The following DCLK1 variants were observed in gnomAD, a reference collection of about 807,000 sequenced individuals.
DCLK1 encodes serine/threonine-protein kinase DCLK1.
In DCLK1, 16 loss-of-function variants were observed where a neutral mutation model predicts 86.2. The observed-to-expected ratio is 0.19, with a 90% CI of 0.13 to 0.28. The LOEUF is 0.28. Among genes scored for constraint, DCLK1 ranks in the 10% least tolerant of loss-of-function variants. The pLI is 1.00. For synonymous variants in DCLK1, 369 were observed against 370.5 expected (o/e 1.00, Z 0.05); for missense variants, 590 against 940.2 (o/e 0.63, Z 4.87).
intron 5 of DCLK1, among the ~76,000 whole-genome samples, chr13:35,864,692 A>G (rs1345315052): frequency 7.2e-6 from 1 of 139,708 alleles, no homozygotes; most frequent in Admixed American, 7.6e-5. Context: ...TCACTCTGGC[A>G]TCCAAGCTGG....
At chr13:35,981,099 A>G (rs1333309588) in intron 3 of DCLK1, among the ~76,000 whole-genome samples, 1 of 152,204 alleles carries the variant, frequency 6.6e-6, no homozygotes, top group African/African-American at 2.4e-5. Flanking sequence ...GAATATTGCT[A>G]GGAACAAAGA....
At chr13:35,887,101 C>G (rs1873316851) in intron 4 of DCLK1, among the ~76,000 whole-genome samples, 1 of 152,222 alleles carries the variant, frequency 6.6e-6, no homozygotes, top group Non-Finnish European at 1.5e-5. Flanking sequence ...AAATGAGACT[C>G]TGTCTTCATA....
intron 4 of DCLK1, among the ~76,000 whole-genome samples, chr13:35,946,282 G>A (rs966222214): frequency 6.6e-6 from 1 of 152,152 alleles, no homozygotes; most frequent in Non-Finnish European, 1.5e-5. Flanking sequence ...GGGGTTACAG[G>A]TGTGAGCCAC....
intron 2 of DCLK1, 35 bp from the exon 3 acceptor site, chr13:36,112,250 A>G (rs1173006721): frequency 1.4e-6 from 2 of 1,429,276 alleles, no homozygotes; most frequent in East Asian, 2.4e-5. Context: ...AATTTATACT[A>G]AAATATGCCC....
Position 36,023,847 on chromosome 13 carries a change from C to T in DCLK1, c.724-76390G>A, listed in dbSNP as rs114048126. ...TACAGAAATACTGAAAGCTTTCCCC[C>T]TAAGATTGGGAACACGATGAAGATG... On this transcript the variant is annotated intron_variant, in intron 3 of 16. Transcript: ENST00000360631. Among the ~76,000 whole-genome samples, 391 of 151,646 alleles carry T rather than the reference C, an allele frequency of 2.6e-3. 1 individual carries two copies. The highest frequency in any genetic ancestry group is 8.8e-3 in the African/African-American group (366 of 41,398).
intron 3 of DCLK1, among the ~76,000 whole-genome samples, chr13:36,030,961 A>C (rs1882245687): frequency 6.6e-6 from 1 of 152,148 alleles, no homozygotes; most frequent in Non-Finnish European, 1.5e-5. Flanking sequence ...AGCAACTCGA[A>C]GAAAGAACAT....
intron 3 of DCLK1, among the ~76,000 whole-genome samples, chr13:35,982,471 G>GGAGA (rs1879708378): frequency 9.4e-6 from 1 of 106,466 alleles, no homozygotes; most frequent in Non-Finnish European, 1.9e-5. Flanking sequence ...AGGGAGGGAG[G>GGAGA]GAGGGAGAAA....
intron 3 of DCLK1, among the ~76,000 whole-genome samples, chr13:36,061,174 G>A (rs909347419): frequency 1.3e-5 from 2 of 152,148 alleles, no homozygotes; most frequent in East Asian, 1.9e-4. Flanking sequence ...GCAATCAGCC[G>A]GGCACAAAAA....
At chr13:35,887,857 C>G (rs1016413097) in intron 4 of DCLK1, among the ~76,000 whole-genome samples, 2 of 97,232 alleles carry the variant, frequency 2.1e-5, no homozygotes, top group Non-Finnish European at 3.7e-5. Flanking sequence ...CAAGCTTGGA[C>G]AGCATAGTAA....
In DCLK1 at chr13:35,783,591, T is replaced by A. The variant is rs144901626; in HGVS notation, c.2059-8892A>T. Reference sequence around the variant, plus strand: ...TAAGTTAATTGAATCTCAATCTCCATGACTTTTTTTTGAGACGGAGATTCG... The same window carrying A: ...TAAGTTAATTGAATCTCAATCTCCAAGACTTTTTTTTGAGACGGAGATTCG... On this transcript the variant is annotated intron_variant, in intron 16 of 16. Coordinates refer to ENST00000360631, the MANE Select transcript of DCLK1 (RefSeq NM_001330071.2). Among the ~76,000 whole-genome samples, 183 of 152,278 alleles carry A rather than the reference T, an allele frequency of 1.2e-3. 1 individual carries two copies. The highest frequency in any genetic ancestry group is 4.2e-3 in the African/African-American group (175 of 41,544).
chr13:35,786,526 AG>A (rs1466047231), intron 16 of DCLK1, among the ~76,000 whole-genome samples: 1 of 152,182 alleles, frequency 6.6e-6, no homozygotes, highest in Non-Finnish European at 1.5e-5. Context: ...CCCTCCTGGA[AG>A]GGAGCCCCTG....
intron 4 of DCLK1, among the ~76,000 whole-genome samples, chr13:35,873,981 C>T (rs553255004): frequency 4.6e-5 from 7 of 152,204 alleles, no homozygotes; most frequent in African/African-American, 1.7e-4. Flanking sequence ...AAATATTTAT[C>T]ATTGTAGGTA....
intron 3 of DCLK1, among the ~76,000 whole-genome samples, chr13:36,013,968 T>G (rs1026911857): frequency 2.0e-5 from 3 of 152,182 alleles, no homozygotes; most frequent in African/African-American, 7.2e-5. Context: ...AGCACAATAT[T>G]CGCCAGGTGC....
chr13:35,987,369 AG>A (rs1475305027), intron 3 of DCLK1, among the ~76,000 whole-genome samples: 1 of 152,152 alleles, frequency 6.6e-6, no homozygotes, highest in African/African-American at 2.4e-5. Flanking sequence ...TTTAGAGGCA[AG>A]GGGGAGACTT....
At chr13:35,994,334 T>C (rs1880380742) in intron 3 of DCLK1, among the ~76,000 whole-genome samples, 1 of 152,140 alleles carries the variant, frequency 6.6e-6, no homozygotes, top group African/African-American at 2.4e-5. Context: ...GGAAAGTGGT[T>C]CTCCTGAAGT....
At chr13:35,869,245 G>C (rs1351718143) in intron 5 of DCLK1, 5 of 408,824 alleles carry the variant, frequency 1.2e-5, no homozygotes. Flanking sequence ...CTGTCATTCT[G>C]TGGAGGTCCT....
intron 3 of DCLK1, among the ~76,000 whole-genome samples, chr13:36,075,377 G>A (rs1345946822): frequency 2.0e-5 from 3 of 152,158 alleles, no homozygotes; most frequent in Non-Finnish European, 4.4e-5. Context: ...TAGAAGCACA[G>A]AGTTAGGGGA....
chr13:36,117,553 A>T (rs1477420635), intron 2 of DCLK1, among the ~76,000 whole-genome samples: 2 of 152,220 alleles, frequency 1.3e-5, no homozygotes. Context: ...TAATCATTTT[A>T]AAAAGTAACA....
intron 3 of DCLK1, among the ~76,000 whole-genome samples, chr13:36,054,741 T>A (rs1418272793): frequency 1.3e-5 from 2 of 152,160 alleles, no homozygotes; most frequent in African/African-American, 4.8e-5. Context: ...GTTATGTCTA[T>A]TTAAGAGATA....
Sources: gnomAD v4.1 joint callset for allele counts (sites outside exome capture counted in the v4.1 genomes callset) on GRCh38, gnomAD v4.1.1 for gene constraint, MANE v1.5 for transcripts, NCBI Gene and HGNC (gene_info 2026-07-23, HGNC 2026-07-21) for gene names.